Variants in NAA11 observed in about 807,000 individuals in gnomAD.
NAA11 encodes the protein N-alpha-acetyltransferase 11.
Under a neutral mutation model 16.1 loss-of-function variants are expected in NAA11, and 15 were observed. That is an observed-to-expected ratio of 0.93 (90% CI 0.62 to 1.44). The LOEUF is 1.44. Among genes scored for constraint, NAA11 ranks in the 40% most tolerant of loss-of-function variants. NAA11 has a pLI of 0.00. For missense variants in NAA11, 298 were observed against 291.3 expected, an observed-to-expected ratio of 1.02 and a Z score of -0.17; for synonymous variants, 122 against 112.4, an observed-to-expected ratio of 1.09 and a Z score of -0.54.
At chr4:79,320,867 G>A (rs1724069069) in intron 1 of NAA11, among the ~76,000 whole-genome samples, 1 of 152,212 alleles carries the variant, frequency 6.6e-6, no homozygotes, top group South Asian at 2.1e-4. Flanking sequence ...TAGAAGGATA[G>A]TACTTTTGCA....
intron 2 of NAA11, among the ~76,000 whole-genome samples, chr4:79,256,101 C>T (rs1034811577): frequency 1.6e-4 from 25 of 152,130 alleles, no homozygotes; most frequent in African/African-American, 5.6e-4. Flanking sequence ...CTGCCTCCTA[C>T]TTCAGTTGGG....
chr4:79,165,581 A>G, the NAA11 span, among the ~76,000 whole-genome samples: 1 of 152,214 alleles, frequency 6.6e-6, no homozygotes, highest in African/African-American at 2.4e-5. Context: ...AGAATTGGAT[A>G]ATGAATCAGT....
At chr4:79,211,089 ATTTATTATGTTTCTTTAAACCTT>A in the NAA11 span, among the ~76,000 whole-genome samples, 1 of 152,272 alleles carries the variant, frequency 6.6e-6, no homozygotes, top group South Asian at 2.1e-4. Context: ...AGCATTAAGT[ATTTATTATGTTTCTTTAAACCTT>A]TTGATTACAT....
At chr4:79,206,807 G>T in the NAA11 span, among the ~76,000 whole-genome samples, 59 of 151,940 alleles carry the variant, frequency 3.9e-4, no homozygotes, top group African/African-American at 1.3e-3. Flanking sequence ...GTGTACTCTC[G>T]TAGCAAAACT....
intron 2 of NAA11, among the ~76,000 whole-genome samples, chr4:79,285,222 T>C (rs1211745587): frequency 6.6e-6 from 1 of 152,100 alleles, no homozygotes; most frequent in Non-Finnish European, 1.5e-5. Context: ...TGAGAGCATT[T>C]TGAAGTGACA....
chr4:79,210,852 C>T, the NAA11 span, among the ~76,000 whole-genome samples: 1 of 152,158 alleles, frequency 6.6e-6, no homozygotes, highest in African/African-American at 2.4e-5. Context: ...TTTAGTTTCT[C>T]TAAACCCCGC....
At chr4:79,325,042 TA>T in intron 1 of NAA11, 133 bp downstream of exon 1, 1 of 728,222 alleles carries the variant, frequency 1.4e-6, no homozygotes, top group Non-Finnish European at 2.2e-6. Flanking sequence ...AACTTCTCCC[TA>T]AGGTCACCAG....
chr4:79,258,567 G>A (rs964467567), intron 2 of NAA11, among the ~76,000 whole-genome samples: 6 of 152,224 alleles, frequency 3.9e-5, no homozygotes, highest in African/African-American at 1.4e-4. Flanking sequence ...GCATAGGAGG[G>A]AAGCTGATGG....
intron 1 of NAA11, among the ~76,000 whole-genome samples, chr4:79,304,157 TA>T (rs1298386499): frequency 1.3e-5 from 2 of 152,170 alleles, no homozygotes; most frequent in African/African-American, 2.4e-5. Context: ...ATCCTTTATT[TA>T]GCCAAATTTT....
the NAA11 span, among the ~76,000 whole-genome samples, chr4:79,219,779 A>T: frequency 3.3e-5 from 5 of 152,198 alleles, no homozygotes; most frequent in African/African-American, 1.2e-4. Flanking sequence ...ATGTATCACA[A>T]CACTTCATCC....
chr4:79,186,670 T>G, the NAA11 span, among the ~76,000 whole-genome samples: 2 of 152,078 alleles, frequency 1.3e-5, no homozygotes, highest in Non-Finnish European at 2.9e-5. Context: ...GAGGAGACAC[T>G]AATGATAAGA....
At chr4:79,173,191 T>C in the NAA11 span, among the ~76,000 whole-genome samples, 1 of 152,114 alleles carries the variant, frequency 6.6e-6, no homozygotes, top group Non-Finnish European at 1.5e-5. Context: ...TGAGGTTAGA[T>C]GAAAAGGTGA....
intron 1 of NAA11, among the ~76,000 whole-genome samples, chr4:79,321,180 T>G (rs1343697600): frequency 6.6e-6 from 1 of 152,206 alleles, no homozygotes. Context: ...CCCTGGGCCA[T>G]GCCATGGAGT....
intron 1 of NAA11, chr4:79,299,525 A>G (rs1723327542): frequency 6.6e-6 from 1 of 152,206 alleles, no homozygotes; most frequent in African/African-American, 2.4e-5. Context: ...TCTCTGACTA[A>G]TTACAGAATT....
chr4:79,274,336 G>T (rs562270114), intron 2 of NAA11, among the ~76,000 whole-genome samples: 14 of 152,138 alleles, frequency 9.2e-5, no homozygotes, highest in Admixed American at 2.6e-4. Flanking sequence ...TGAAGTACAG[G>T]GGGGAAAGGC....
intron 2 of NAA11, among the ~76,000 whole-genome samples, chr4:79,265,827 G>C (rs1179348357): frequency 6.6e-6 from 1 of 151,974 alleles, no homozygotes; most frequent in Non-Finnish European, 1.5e-5. Flanking sequence ...TTGCTGCCCA[G>C]GCTGGTCTCA....
intron 1 of NAA11, among the ~76,000 whole-genome samples, chr4:79,323,737 C>T (rs1172222841): frequency 2.6e-5 from 4 of 152,118 alleles, no homozygotes; most frequent in African/African-American, 9.7e-5. Context: ...AGCGGAATGG[C>T]GTGAACCCGG....
chr4:79,167,247 AC>A, the NAA11 span, among the ~76,000 whole-genome samples: 1 of 116,606 alleles, frequency 8.6e-6, no homozygotes, highest in African/African-American at 3.6e-5. Context: ...ACACACACAC[AC>A]ACCCACATAT....
chr4:79,265,764 T>G (rs1349810912), intron 2 of NAA11, among the ~76,000 whole-genome samples: 1 of 152,048 alleles, frequency 6.6e-6, no homozygotes, highest in South Asian at 2.1e-4. Context: ...GATTCTGTGT[T>G]TTTTTTTGTT....
Sources: allele counts gnomAD v4.1 joint callset (sites outside exome capture counted in the v4.1 genomes callset), GRCh38; gene constraint gnomAD v4.1.1; transcripts MANE v1.5; gene names NCBI Gene and HGNC (gene_info 2026-07-23, HGNC 2026-07-21).